The following PSPC1 variants were observed in gnomAD, a reference collection of about 807,000 sequenced individuals.
PSPC1 encodes the protein paraspeckle component 1.
PSPC1 carries 14 observed loss-of-function variants against 51.6 expected under a neutral mutation model. That is an observed-to-expected ratio of 0.27 (90% CI 0.18 to 0.42). The LOEUF (loss-of-function observed/expected upper bound fraction) is 0.42, where lower values mean the gene tolerates loss of function less well. Among genes scored for constraint, PSPC1 ranks in the 10% least tolerant of loss-of-function variants. The pLI, the probability that PSPC1 is intolerant of heterozygous loss-of-function variation, is 1.00. For missense variants in PSPC1, 406 were observed against 701.1 expected (o/e 0.58, Z 4.75); for synonymous variants, 193 against 231.9 (o/e 0.83, Z 1.53).
chr13:19,674,405 T>TTACTC (rs2137554782), downstream of PSPC1, among the ~76,000 whole-genome samples: 1 of 152,292 alleles, frequency 6.6e-6, no homozygotes, highest in East Asian at 1.9e-4. Flanking sequence ...GTGGAGAATC[T>TTACTC]TACTCAGTAG....
intron 5 of PSPC1, among the ~76,000 whole-genome samples, chr13:19,732,061 A>G (rs1884182141): frequency 6.6e-6 from 1 of 152,114 alleles, no homozygotes; most frequent in Admixed American, 6.5e-5. Context: ...CTCCCGCTAA[A>G]TCTGAGTCCA....
chr13:19,682,486 CAAAAAAA>C (rs138769031), intron 6 of PSPC1, among the ~76,000 whole-genome samples: 2 of 98,628 alleles, frequency 2.0e-5, no homozygotes, highest in South Asian at 3.2e-4. Context: ...GGCTGAATGG[CAAAAAAA>C]AAAAAAAAAA....
intron 1 of PSPC1, among the ~76,000 whole-genome samples, chr13:19,777,100 T>G (rs1593786161): frequency 1.8e-5 from 2 of 110,936 alleles, no homozygotes; most frequent in African/African-American, 3.5e-5. Context: ...CCAGCCTGGG[T>G]GACAGCGAGG....
At chr13:19,691,067 GAATA>G (rs1226833737) in intron 6 of PSPC1, among the ~76,000 whole-genome samples, 3 of 152,220 alleles carry the variant, frequency 2.0e-5, no homozygotes, top group South Asian at 2.1e-4. Context: ...TTTATTGAAT[GAATA>G]AACAATCTGC....
intron 2 of PSPC1, among the ~76,000 whole-genome samples, chr13:19,764,898 T>G (rs1887916315): frequency 6.6e-6 from 1 of 151,764 alleles, no homozygotes; most frequent in African/African-American, 2.4e-5. Flanking sequence ...CATGCTTAGC[T>G]AATTTTTTTA....
At chr13:19,725,604 TAAAC>T (rs1172221542) in intron 6 of PSPC1, among the ~76,000 whole-genome samples, 2 of 151,070 alleles carry the variant, frequency 1.3e-5, no homozygotes, top group Non-Finnish European at 3.0e-5. Flanking sequence ...TAGGGCAAAA[TAAAC>T]AAAACAAAAC....
downstream of PSPC1, among the ~76,000 whole-genome samples, chr13:19,674,307 G>A (rs1363268783): frequency 6.6e-6 from 1 of 152,188 alleles, no homozygotes; most frequent in African/African-American, 2.4e-5. Flanking sequence ...AATTAGATAT[G>A]AGGAGTTTGG....
At chr13:19,695,855 G>A (rs978346405) in intron 6 of PSPC1, among the ~76,000 whole-genome samples, 1 of 151,474 alleles carries the variant, frequency 6.6e-6, no homozygotes, top group African/African-American at 2.4e-5. Context: ...ATACATAACA[G>A]GAAAAACTGT....
At chr13:19,732,959 A>C (rs914836343) in intron 5 of PSPC1, among the ~76,000 whole-genome samples, 8 of 151,978 alleles carry the variant, frequency 5.3e-5, no homozygotes, top group Non-Finnish European at 1.0e-4. Context: ...GAAAAAAAAA[A>C]CACCAACTTT....
rs771408596 is a variant in PSPC1, at chr13:19,748,131, TGAACTCA to T, written c.967+3133_967+3139del. ...GGGATGCTGAGGCAGGAGAATCGCTTGAACTCAGAAGGCAAGAGGTAGGTCTACAATG... is the reference window on the plus strand; with the variant it reads ...GGGATGCTGAGGCAGGAGAATCGCTTGAAGGCAAGAGGTAGGTCTACAATG... On this transcript the variant is annotated intron_variant, in intron 4 of 8. Coordinates refer to ENST00000338910, the MANE Select transcript of PSPC1 (RefSeq NM_001354909.2). 7.9e-5 allele frequency among the ~76,000 whole-genome samples: 12 copies of T among 152,032 alleles called. 2 individuals are homozygous for T. In the East Asian group the frequency reaches 1.5e-3, roughly 20 times the overall value.
chr13:19,781,167 G>A (rs1035245678), intron 1 of PSPC1, among the ~76,000 whole-genome samples: 6 of 148,566 alleles, frequency 4.0e-5, no homozygotes, highest in South Asian at 4.3e-4. Flanking sequence ...AAAAAAAGGC[G>A]TAAACCTTAG....
intron 4 of PSPC1, among the ~76,000 whole-genome samples, chr13:19,749,236 C>T (rs1308096895): frequency 1.3e-5 from 2 of 151,962 alleles, no homozygotes; most frequent in African/African-American, 2.4e-5. Flanking sequence ...TAATCCCAGC[C>T]ACTTAGGAGG....
intron 6 of PSPC1, among the ~76,000 whole-genome samples, chr13:19,729,786 G>C (rs572439288): frequency 2.0e-5 from 3 of 151,968 alleles, no homozygotes; most frequent in Non-Finnish European, 4.4e-5. Flanking sequence ...TATGAAATCA[G>C]GTATTTCAAA....
chr13:19,734,047 C>T (rs1717737529), intron 5 of PSPC1, among the ~76,000 whole-genome samples: 1 of 152,044 alleles, frequency 6.6e-6, no homozygotes. Context: ...AGGAGCATTG[C>T]CCTTACGATT....
chr13:19,747,731 GACTTAAAATACAAA>G (rs1175043212), intron 4 of PSPC1, among the ~76,000 whole-genome samples: 2 of 152,006 alleles, frequency 1.3e-5, no homozygotes, highest in Admixed American at 1.3e-4. Context: ...ATACAAAAGA[GACTTAAAATACAAA>G]AAGTGATTCC....
At chr13:19,779,430 C>T (rs1447722052) in intron 1 of PSPC1, among the ~76,000 whole-genome samples, 2 of 59,614 alleles carry the variant, frequency 3.4e-5, no homozygotes, top group African/African-American at 6.4e-5. Context: ...AGGTGAGGGG[C>T]GCCTCTGCCC....
In PSPC1 at chr13:19,769,671, G is replaced by A. The variant is rs1035815542; in HGVS notation, c.674+2571C>T. The stretch of plus-strand genomic sequence containing the variant: ...AATCGCTTGAACCCGGGAGGCAGAC[G>A]TTGCAGCGAGCTGAGATCGCGCCAT... On this transcript the variant is annotated intron_variant, in intron 2 of 8. Coordinates refer to ENST00000338910, the MANE Select transcript of PSPC1 (RefSeq NM_001354909.2). 6.0e-5 allele frequency among the ~76,000 whole-genome samples: 9 copies of A among 151,116 alleles called. No homozygotes were observed. In the East Asian group the frequency reaches 1.4e-3, roughly 23 times the overall value.
At chr13:19,701,148 T>A (rs1471612670), downstream of PSPC1, among the ~76,000 whole-genome samples, 1 of 151,914 alleles carries the variant, frequency 6.6e-6, no homozygotes, top group East Asian at 1.9e-4. Flanking sequence ...GATTAAGACA[T>A]CTTTTTGTGC....
In PSPC1 at chr13:19,734,250, G is replaced by A. The variant is rs538793879; in HGVS notation, c.1053-3906C>T. Among the ~76,000 whole-genome samples the A allele has an allele frequency of 6.6e-4, 100 of 152,286 alleles. 1 individual carries two copies. Among genetic ancestry groups the A allele is most frequent in the Middle Eastern group, 3.4e-3 (1 of 294 alleles). ...TATTCACAAATGGAACTACTAAGGA[G>A]AGGAGAACTAGTAATTATGACAAAT... On this transcript the variant is annotated intron_variant, in intron 5 of 8. Coordinates refer to ENST00000338910, the MANE Select transcript of PSPC1 (RefSeq NM_001354909.2).
Sources: gnomAD v4.1 joint callset for allele counts (sites outside exome capture counted in the v4.1 genomes callset) on GRCh38, gnomAD v4.1.1 for gene constraint, MANE v1.5 for transcripts, NCBI Gene and HGNC (gene_info 2026-07-23, HGNC 2026-07-21) for gene names.